Variants in CENPN observed in about 807,000 individuals in gnomAD.
CENPN encodes the protein centromere protein N, also known as interphase centromere complex protein 32.
A neutral mutation model predicts 48.6 loss-of-function variants in CENPN; 36 were observed. That is an observed-to-expected ratio of 0.74 (90% CI 0.57 to 0.98). The LOEUF is 0.98. Ranked by LOEUF, CENPN falls within the 50% of genes least tolerant of loss-of-function variation. The pLI, the probability that CENPN is intolerant of heterozygous loss-of-function variation, is 0.00. For missense variants in CENPN, 439 were observed against 399.2 expected (o/e 1.10, Z -0.85); for synonymous variants, 166 against 135.2 (o/e 1.23, Z -1.58).
Position 81,030,224 on chromosome 16 carries a change from C to T in CENPN, c.*1573C>T. On this transcript the variant is annotated 3_prime_UTR_variant, in exon 11 of 11. Coordinates refer to ENST00000305850, the MANE Select transcript of CENPN (RefSeq NM_001100624.3). ...AAACCATATCACAGGCATGAGCTAC[C>T]ACGCCCGCCAGCATGTCTTTTTTAA... 7 of 985,436 alleles carry T rather than the reference C, an allele frequency of 7.1e-6. No individual in the cohort carries two copies. Among genetic ancestry groups the T allele is most frequent in the Non-Finnish European group, 8.4e-6 (7 of 829,938 alleles). The allele number at this position is 985,436 out of a possible 1,614,324, so 61.0% of individuals were successfully genotyped here. A position where few individuals can be genotyped will look rare whatever the true frequency, so the allele number is the denominator to read the frequency against.
chr16:81,020,677 G>A (rs915343205), intron 6 of CENPN, among the ~76,000 whole-genome samples: 3 of 152,080 alleles, frequency 2.0e-5, no homozygotes, highest in South Asian at 2.1e-4. Flanking sequence ...AAATGCAACC[G>A]ATACAGAAGT....
At chr16:81,023,149 T>G (rs1197180681) in intron 7 of CENPN, 2 of 344,178 alleles carry the variant, frequency 5.8e-6, no homozygotes, top group Non-Finnish European at 1.1e-5. Context: ...TAAAATAATT[T>G]GAATGTAATG....
Position 81,023,153 on chromosome 16 carries a change from T to C in CENPN, c.633+455T>C. On this transcript the variant is annotated intron_variant, in intron 7 of 10. Coordinates refer to ENST00000305850, the MANE Select transcript of CENPN (RefSeq NM_001100624.3). ...AGTTCATTTGTTAAAATAATTTGAATGTAATGTTCCCCTCTAATGACAAAT... is the reference window on the plus strand; with the variant it reads ...AGTTCATTTGTTAAAATAATTTGAACGTAATGTTCCCCTCTAATGACAAAT... 3 of 341,788 alleles carry C rather than the reference T, an allele frequency of 8.8e-6. No homozygotes were observed. In the Admixed American group the frequency reaches 1.4e-4, roughly 16 times the overall value. 21.2% of individuals were successfully genotyped at this position (341,788 alleles called of 1,614,324 possible).
chr16:81,019,986 C>T, intron 5 of CENPN, 114 bp from the exon 6 acceptor site: 1 of 688,532 alleles, frequency 1.5e-6, no homozygotes, highest in South Asian at 3.3e-5. Context: ...CAGGTCTCAA[C>T]CTGCATACAA....
Position 81,029,130 on chromosome 16 carries a change from A to G in CENPN, c.*479A>G, listed in dbSNP as rs1255033131. 2.0e-6 allele frequency: 2 copies of G among 985,716 alleles called. No homozygotes were observed. Among genetic ancestry groups the G allele is most frequent in the Non-Finnish European group, 2.4e-6 (2 of 830,140 alleles). 61.1% of individuals were successfully genotyped at this position (985,716 alleles called of 1,614,324 possible). A position where few individuals can be genotyped will look rare whatever the true frequency, so the allele number is the denominator to read the frequency against. On this transcript the variant is annotated 3_prime_UTR_variant, in exon 11 of 11. Transcript: ENST00000305850. ...TTTAGGAGAATCATGAAATTGGTCT[A>G]TTCAAAGGATGGAGTTGAGTCCATT...
chr16:81,032,240 G>C (rs1387777967), downstream of CENPN, among the ~76,000 whole-genome samples: 1 of 152,188 alleles, frequency 6.6e-6, no homozygotes, highest in Non-Finnish European at 1.5e-5. Flanking sequence ...CTGAGGAATA[G>C]AGCCACATAT....
intron 1 of CENPN, among the ~76,000 whole-genome samples, chr16:81,008,983 G>A (rs981316594): frequency 6.6e-6 from 1 of 152,232 alleles, no homozygotes; most frequent in African/African-American, 2.4e-5. Flanking sequence ...GAGGCGGGAG[G>A]ATCACTTGAG....
chr16:81,031,617 T>G (rs1970781323), downstream of CENPN: 1 of 152,242 alleles, frequency 6.6e-6, no homozygotes, highest in Non-Finnish European at 1.5e-5. Flanking sequence ...AGGAACCCCT[T>G]GTGTTCCACA....
At chr16:81,013,218 G>A (rs192477666) in intron 2 of CENPN, among the ~76,000 whole-genome samples, 7 of 152,328 alleles carry the variant, frequency 4.6e-5, no homozygotes, top group Admixed American at 4.6e-4. Context: ...AGTATTCATA[G>A]ATGCTAACAT....
At chr16:81,019,324 C>T (rs1340937197) in intron 5 of CENPN, among the ~76,000 whole-genome samples, 2 of 151,930 alleles carry the variant, frequency 1.3e-5, no homozygotes, top group East Asian at 3.9e-4. Flanking sequence ...TCAAGCCATC[C>T]TCCCACCTCA....
chr16:81,025,890 A>C (rs1368769488), intron 8 of CENPN, among the ~76,000 whole-genome samples: 1 of 151,460 alleles, frequency 6.6e-6, no homozygotes, highest in Admixed American at 6.6e-5. Flanking sequence ...TTTAGTAGAC[A>C]TGGGATTTCA....
Position 81,024,699 on chromosome 16 carries a change from A to C in CENPN, c.634-16A>C. Reference sequence around the variant, plus strand: ...AGATGTCAAGATTAGTAAAATATTCACTTTTTTTTCCCTAGACCTTTGAAA... The same window carrying C: ...AGATGTCAAGATTAGTAAAATATTCCCTTTTTTTTCCCTAGACCTTTGAAA... On this transcript the variant is annotated splice_polypyrimidine_tract_variant and intron_variant, in intron 7 of 10. Coordinates refer to ENST00000305850, the MANE Select transcript of CENPN (RefSeq NM_001100624.3). 6.4e-7 allele frequency: 1 copy of C among 1,569,544 alleles called. No individual in the cohort carries two copies. Among genetic ancestry groups the C allele is most frequent in the Non-Finnish European group, 8.7e-7 (1 of 1,149,154 alleles).
intron 4 of CENPN, 47 bp from the exon 5 acceptor site, chr16:81,017,711 C>G (rs1567549688): frequency 7.8e-7 from 1 of 1,280,088 alleles, no homozygotes; most frequent in Admixed American, 2.0e-5. Flanking sequence ...TTACTGAAGA[C>G]ATTGTAGCTC....
Position 81,008,800 on chromosome 16 carries a change from G to A in CENPN, c.-11+1523G>A, listed in dbSNP as rs1481426362. 2.6e-5 allele frequency among the ~76,000 whole-genome samples: 4 copies of A among 152,238 alleles called. No individual in the cohort carries two copies. In the East Asian group the frequency reaches 7.7e-4, roughly 29 times the overall value. On this transcript the variant is annotated intron_variant, in intron 1 of 10. Transcript: ENST00000305850. ...GATTAGACTTACTGACTATAGTGAGGCAGTTCTGGTCTAGGAGTATAGCTG... is the reference window on the plus strand; with the variant it reads ...GATTAGACTTACTGACTATAGTGAGACAGTTCTGGTCTAGGAGTATAGCTG...
At chr16:81,026,098 T>C (rs982564002) in intron 8 of CENPN, among the ~76,000 whole-genome samples, 4 of 138,714 alleles carry the variant, frequency 2.9e-5, no homozygotes, top group African/African-American at 1.1e-4. Context: ...TGTATATATA[T>C]GTGTGTGTAT....
intron 5 of CENPN, 22 bp downstream of exon 5, chr16:81,017,856 T>C: frequency 7.2e-7 from 1 of 1,384,360 alleles, no homozygotes; most frequent in Non-Finnish European, 1.0e-6. Context: ...ATTCATCTTT[T>C]ACATAAAATT....
chr16:81,013,663 G>T (rs1010761477), intron 2 of CENPN, among the ~76,000 whole-genome samples: 1 of 152,152 alleles, frequency 6.6e-6, no homozygotes, highest in African/African-American at 2.4e-5. Flanking sequence ...AAAGGTTGCA[G>T]TGAGCTAAGA....
chr16:81,014,482 C>A, intron 3 of CENPN: 1 of 334,724 alleles, frequency 3.0e-6, no homozygotes, highest in Non-Finnish European at 5.6e-6. Flanking sequence ...TTCCTCCTAC[C>A]AAAGTGCTGG....
At chr16:81,014,349 C>A (rs987334984) in intron 3 of CENPN, 168 bp downstream of exon 3, 1 of 612,352 alleles carries the variant, frequency 1.6e-6, no homozygotes, top group Non-Finnish European at 3.0e-6. Context: ...ATTCTCCAAC[C>A]TCAGCCTCCC....
Sources: gnomAD v4.1 joint callset for allele counts (sites outside exome capture counted in the v4.1 genomes callset) on GRCh38, gnomAD v4.1.1 for gene constraint, MANE v1.5 for transcripts, NCBI Gene and HGNC (gene_info 2026-07-23, HGNC 2026-07-21) for gene names.